CEP170: variants seen among roughly 807,000 people sequenced by gnomAD.
CEP170 encodes the protein centrosomal protein of 170 kDa.
In CEP170, 21 loss-of-function variants were observed where a neutral mutation model predicts 151.9. The ratio of observed to expected loss-of-function variants is 0.14; its 90% CI spans 0.10 to 0.20. The LOEUF is 0.20. Ranked by LOEUF, CEP170 falls within the 10% of genes least tolerant of loss-of-function variation. CEP170 has a pLI of 1.00. For synonymous variants in CEP170, 356 were observed against 648.8 expected (o/e 0.55, Z 6.86); for missense variants, 964 against 1,892.9 (o/e 0.51, Z 9.11).
At chr1:243,166,199 G>C (rs1208868473) in intron 12 of CEP170, 83 bp from the exon 13 acceptor site, 3 of 1,514,610 alleles carry the variant, frequency 2.0e-6, no homozygotes, top group Non-Finnish European at 2.7e-6. Context: ...TTGTCTGTCA[G>C]TATCCATGAA....
At chr1:243,225,770 T>C (rs944150036) in intron 1 of CEP170, among the ~76,000 whole-genome samples, 1 of 152,150 alleles carries the variant, frequency 6.6e-6, no homozygotes, top group Non-Finnish European at 1.5e-5. Context: ...TTAAGAACTA[T>C]GTTGACCAAA....
At chr1:243,192,230 C>T (rs889527522) in intron 7 of CEP170, among the ~76,000 whole-genome samples, 2 of 152,070 alleles carry the variant, frequency 1.3e-5, no homozygotes, top group Non-Finnish European at 2.9e-5. Flanking sequence ...CATTTCCATA[C>T]AGCAGAATAT....
chr1:243,130,394 G>C (rs1187101257), intron 17 of CEP170, among the ~76,000 whole-genome samples: 1 of 152,018 alleles, frequency 6.6e-6, no homozygotes, highest in Non-Finnish European at 1.5e-5. Flanking sequence ...CTACCCTTTT[G>C]ATAAAAACAA....
intron 4 of CEP170, among the ~76,000 whole-genome samples, chr1:243,209,879 G>C (rs1448918384): frequency 1.3e-5 from 2 of 152,058 alleles, no homozygotes; most frequent in Non-Finnish European, 2.9e-5. Flanking sequence ...ATTTTTAGTA[G>C]AGATGGGGTT....
intron 7 of CEP170, among the ~76,000 whole-genome samples, chr1:243,195,812 T>C (rs2060611647): frequency 6.6e-6 from 1 of 152,064 alleles, no homozygotes; most frequent in Non-Finnish European, 1.5e-5. Flanking sequence ...TAAACTATTT[T>C]CCTCATCCTA....
intron 13 of CEP170, among the ~76,000 whole-genome samples, chr1:243,159,948 C>T (rs1047225022): frequency 3.9e-5 from 6 of 152,118 alleles, no homozygotes; most frequent in African/African-American, 1.4e-4. Flanking sequence ...GCCACCATGT[C>T]TGGCTAATTT....
intron 7 of CEP170, among the ~76,000 whole-genome samples, chr1:243,193,643 C>T (rs2060457342): frequency 6.6e-6 from 1 of 152,008 alleles, no homozygotes; most frequent in Non-Finnish European, 1.5e-5. Context: ...GAGACTTATA[C>T]AAGTTAATAA....
At chr1:243,198,741 A>T (rs2060824213) in intron 7 of CEP170, among the ~76,000 whole-genome samples, 1 of 152,080 alleles carries the variant, frequency 6.6e-6, no homozygotes, top group Non-Finnish European at 1.5e-5. Context: ...GATATATTTT[A>T]ATAATTATTT....
At chr1:243,253,320 T>C (rs955211028) in intron 1 of CEP170, 1 of 152,166 alleles carries the variant, frequency 6.6e-6, no homozygotes, top group Admixed American at 6.5e-5. Context: ...AGGGAGCACA[T>C]AGAGAAGCTT....
At chr1:243,153,006 G>A (rs969551600) in intron 14 of CEP170, among the ~76,000 whole-genome samples, 3 of 152,112 alleles carry the variant, frequency 2.0e-5, no homozygotes, top group African/African-American at 7.2e-5. Flanking sequence ...TCATGGAGGA[G>A]GTAAAAATAT....
chr1:243,155,498 T>C (rs1374852900), intron 14 of CEP170, among the ~76,000 whole-genome samples: 1 of 152,134 alleles, frequency 6.6e-6, no homozygotes, highest in Non-Finnish European at 1.5e-5. Flanking sequence ...AGGTAACATA[T>C]GGTATACTGC....
At chr1:243,157,341 T>A (rs1282257202) in intron 13 of CEP170, among the ~76,000 whole-genome samples, 2 of 152,018 alleles carry the variant, frequency 1.3e-5, no homozygotes, top group Non-Finnish European at 2.9e-5. Flanking sequence ...ACTGTTAATA[T>A]GAGAATCAAA....
chr1:243,204,796 T>C (rs1243389744), intron 4 of CEP170, among the ~76,000 whole-genome samples: 1 of 152,172 alleles, frequency 6.6e-6, no homozygotes, highest in Non-Finnish European at 1.5e-5. Flanking sequence ...CCCACATTCA[T>C]ATCTTTAGCT....
intron 16 of CEP170, 35 bp downstream of exon 16, chr1:243,139,902 C>T (rs754184441): frequency 3.1e-6 from 5 of 1,600,600 alleles, no homozygotes; most frequent in Non-Finnish European, 4.3e-6. Flanking sequence ...GAATATGCTG[C>T]TTCTGCCACA....
chr1:243,136,423 A>C, intron 16 of CEP170, 192 bp from the exon 17 acceptor site: 1 of 670,364 alleles, frequency 1.5e-6, no homozygotes, highest in Non-Finnish European at 2.4e-6. Context: ...TTAACAAAGG[A>C]GTTCTTATTA....
chr1:243,185,355 A>C lies in CEP170; in HGVS notation c.1566+424T>G, dbSNP rs1320066485. On this transcript the variant is annotated intron_variant, in intron 10 of 19. Coordinates refer to ENST00000366542, the MANE Select transcript of CEP170 (RefSeq NM_014812.3). The surrounding 1 kb of genome is among the most constrained non-coding windows in gnomAD (Gnocchi z 4.9). The stretch of plus-strand genomic sequence containing the variant: ...GCTAAAATAAGTATTTTCATCTTCC[A>C]ACATGAAATCAGCAGGTAGGAAATC... 6.6e-6 allele frequency among the ~76,000 whole-genome samples: 1 copy of C among 152,222 alleles called. No homozygotes were observed. The highest frequency in any genetic ancestry group is 1.5e-5 in the Non-Finnish European group (1 of 68,034).
intron 1 of CEP170, among the ~76,000 whole-genome samples, chr1:243,232,615 C>G (rs896408941): frequency 6.6e-6 from 1 of 152,190 alleles, no homozygotes; most frequent in Non-Finnish European, 1.5e-5. Context: ...CTCCATTCCT[C>G]CCTTCTTTCA....
chr1:243,139,466 C>T (rs1291895229), intron 16 of CEP170, among the ~76,000 whole-genome samples: 11 of 151,930 alleles, frequency 7.2e-5, no homozygotes, highest in Non-Finnish European at 1.5e-4. Context: ...CCTTCATAGG[C>T]TGTATGTTTT....
intron 4 of CEP170, chr1:243,211,581 C>A: frequency 4.0e-6 from 1 of 247,150 alleles, no homozygotes. Flanking sequence ...CCTGTCCTCT[C>A]CCCAGTTACA....
Sources: gnomAD v4.1 joint callset for allele counts (sites outside exome capture counted in the v4.1 genomes callset) on GRCh38, gnomAD v4.1.1 for gene constraint, Gnocchi (gnomAD v3.1) non-coding constraint, MANE v1.5 for transcripts, NCBI Gene and HGNC (gene_info 2026-07-23, HGNC 2026-07-21) for gene names.